NMT1: variants seen among roughly 807,000 people sequenced by gnomAD.
The protein encoded by NMT1 is N-myristoyltransferase 1.
Under a neutral mutation model 63.4 loss-of-function variants are expected in NMT1, and 12 were observed. The observed-to-expected ratio is 0.19, with a 90% CI of 0.12 to 0.31. NMT1 has a LOEUF of 0.31. Ranked by LOEUF, NMT1 falls within the 10% of genes least tolerant of loss-of-function variation. The pLI is 1.00. For synonymous variants in NMT1, 228 were observed against 234.3 expected (o/e 0.97, Z 0.25); for missense variants, 432 against 634.6 (o/e 0.68, Z 3.43).
In NMT1 at chr17:45,105,002, C is replaced by T. The variant is rs753876828; in HGVS notation, c.1470+6C>T. On this transcript the variant is annotated splice_donor_region_variant and intron_variant, in intron 11 of 11. Coordinates refer to ENST00000258960, the MANE Select transcript of NMT1 (RefSeq NM_021079.5). This position sits in a 1 kb window ranked among gnomAD's most constrained non-coding sequence, Gnocchi z 4.2. ...CCAGCATGGGGGCAGAGAAGGTAGG[C>T]GACACATAGCCAGAGTCCAGGCTGC... 1.2e-5 allele frequency: 20 copies of T among 1,613,862 alleles called. No individual in the cohort carries two copies. Among genetic ancestry groups the T allele is most frequent in the East Asian group, 2.2e-5 (1 of 44,894 alleles).
At chr17:45,094,424 G>A (rs961252083) in intron 4 of NMT1, among the ~76,000 whole-genome samples, 5 of 151,178 alleles carry the variant, frequency 3.3e-5, no homozygotes, top group Non-Finnish European at 7.4e-5. Flanking sequence ...ACCTGGGAGG[G>A]GGATGTTGTA....
intron 1 of NMT1, among the ~76,000 whole-genome samples, chr17:45,067,456 T>C (rs1308533004): frequency 6.6e-6 from 1 of 152,216 alleles, no homozygotes; most frequent in Non-Finnish European, 1.5e-5. Context: ...GGATTCTTTA[T>C]AAGTTCTCCT....
rs1598022855 is a variant in NMT1, at chr17:45,107,344, G to A, written c.*1705G>A. On this transcript the variant is annotated 3_prime_UTR_variant, in exon 12 of 12. Transcript: ENST00000258960. ...CTGCTAGAGCCAGCAACTCCACTAA[G>A]GTGGATTTTCATCAGGGGCCTGCAG... The A allele has an allele frequency of 6.5e-6, 1 of 152,788 alleles. No individual in the cohort carries two copies. Among genetic ancestry groups the A allele is most frequent in the East Asian group, 1.9e-4 (1 of 5,184 alleles). The allele number at this position is 152,788 out of a possible 1,614,324, so 9.5% of individuals were successfully genotyped here.
At chr17:45,089,191 T>C (rs1234758030) in intron 3 of NMT1, among the ~76,000 whole-genome samples, 1 of 152,240 alleles carries the variant, frequency 6.6e-6, no homozygotes, top group African/African-American at 2.4e-5. Context: ...ACCTACAGCT[T>C]CTTGCCCTAA....
At chr17:45,092,397 AT>A (rs11355950) in intron 3 of NMT1, among the ~76,000 whole-genome samples, 65,575 of 151,636 alleles carry the variant, frequency 0.43, 15,117 homozygotes, top group African/African-American at 0.55. Flanking sequence ...CCCACAGATT[AT>A]CATTCTGGGA....
intron 5 of NMT1, 83 bp from the exon 6 acceptor site, chr17:45,097,045 C>G (rs1034717104): frequency 9.2e-7 from 1 of 1,091,600 alleles, no homozygotes; most frequent in Non-Finnish European, 1.4e-6. Flanking sequence ...GCACCAGGTC[C>G]GAACCAAATT....
At chr17:45,061,549 G>GC (rs568403472) in intron 1 of NMT1, 89 bp downstream of exon 1, 1 of 1,174,858 alleles carries the variant, frequency 8.5e-7, no homozygotes, top group Non-Finnish European at 1.2e-6. Context: ...GCTTAGTCTA[G>GC]CCCCACCCTC....
intron 2 of NMT1, among the ~76,000 whole-genome samples, chr17:45,083,398 A>G (rs2054029922): frequency 6.6e-6 from 1 of 152,066 alleles, no homozygotes; most frequent in African/African-American, 2.4e-5. Context: ...AAAAATCCAT[A>G]TTCATTCCAA....
chr17:45,102,856 C>A, intron 8 of NMT1, 95 bp from the exon 9 acceptor site: 1 of 1,220,444 alleles, frequency 8.2e-7, no homozygotes, highest in Non-Finnish European at 1.1e-6. Context: ...GCCGAATGAC[C>A]AGGGATTCTC....
intron 4 of NMT1, among the ~76,000 whole-genome samples, chr17:45,095,002 G>A (rs1357502025): frequency 6.6e-6 from 1 of 150,704 alleles, no homozygotes; most frequent in Non-Finnish European, 1.5e-5. Context: ...TAGTAGAGAT[G>A]GGGTTTCACT....
At chr17:45,100,647 GTCAGGAGATCGAGACCA>G (rs1567871822) in intron 8 of NMT1, among the ~76,000 whole-genome samples, 2 of 144,864 alleles carry the variant, frequency 1.4e-5, no homozygotes, top group Non-Finnish European at 3.0e-5. Context: ...GGATCACGAG[GTCAGGAGATCGAGACCA>G]TCCTGGCCAA....
intron 1 of NMT1, among the ~76,000 whole-genome samples, chr17:45,075,057 C>T (rs2053968970): frequency 1.3e-5 from 2 of 152,094 alleles, no homozygotes; most frequent in Non-Finnish European, 2.9e-5. Context: ...ACACCTGTAG[C>T]CCCAATTACT....
intron 1 of NMT1, among the ~76,000 whole-genome samples, chr17:45,080,968 A>G (rs896312078): frequency 2.0e-5 from 3 of 152,000 alleles, no homozygotes; most frequent in Non-Finnish European, 4.4e-5. Flanking sequence ...GGGTTTTGCC[A>G]TGTTGGCCAG....
At chr17:45,076,583 C>G (rs757496590) in intron 1 of NMT1, among the ~76,000 whole-genome samples, 1 of 151,808 alleles carries the variant, frequency 6.6e-6, no homozygotes, top group Non-Finnish European at 1.5e-5. Flanking sequence ...GACCCTGTCT[C>G]TACTAAAAAT....
rs1283050785 is a variant in NMT1 at position 45,108,050 on chromosome 17, C to T, written c.*2411C>T. The T allele has an allele frequency of 1.3e-5, 2 of 152,234 alleles. No individual in the cohort carries two copies. The highest frequency in any genetic ancestry group is 1.9e-4 in the East Asian group (1 of 5,188). 9.4% of individuals were successfully genotyped at this position (152,234 alleles called of 1,614,324 possible). ...GCACCATCCCGGGGGTCAGGGCCTC[C>T]CCACAGGAGCCCTGCAGTGTGGTAG... On this transcript the variant is annotated 3_prime_UTR_variant, in exon 12 of 12. Coordinates refer to ENST00000258960, the MANE Select transcript of NMT1 (RefSeq NM_021079.5).
At chr17:45,066,850 T>C (rs6503417) in intron 1 of NMT1, among the ~76,000 whole-genome samples, 100,819 of 150,570 alleles carry the variant, frequency 0.67, 34,127 homozygotes, top group African/African-American at 0.78. Context: ...GTAGCTAGGA[T>C]TGTAGACATG....
chr17:45,078,698 A>G (rs947252712), intron 1 of NMT1, among the ~76,000 whole-genome samples: 1 of 151,916 alleles, frequency 6.6e-6, no homozygotes, highest in African/African-American at 2.4e-5. Flanking sequence ...GTCTGGCTGT[A>G]TTGCCCAGGC....
intron 6 of NMT1, 25 bp downstream of exon 6, chr17:45,097,269 C>T (rs867933953): frequency 1.3e-6 from 2 of 1,499,032 alleles, no homozygotes; most frequent in Non-Finnish European, 1.9e-6. Context: ...CTACCCCCAC[C>T]CCCCACAACA....
At chr17:45,101,094 G>T (rs2054161041) in intron 8 of NMT1, among the ~76,000 whole-genome samples, 1 of 151,468 alleles carries the variant, frequency 6.6e-6, no homozygotes, top group Non-Finnish European at 1.5e-5. Flanking sequence ...TGAGGCAGGA[G>T]AATGGCGTGA....
Sources: allele counts gnomAD v4.1 joint callset (sites outside exome capture counted in the v4.1 genomes callset), GRCh38; gene constraint gnomAD v4.1.1; non-coding constraint Gnocchi (gnomAD v3.1); transcripts MANE v1.5; gene names NCBI Gene and HGNC (gene_info 2026-07-23, HGNC 2026-07-21).